The following PAICS variants were observed in gnomAD, a reference collection of about 807,000 sequenced individuals.
PAICS encodes the protein bifunctional phosphoribosylaminoimidazole carboxylase/phosphoribosylaminoimidazole succinocarboxamide synthetase.
A neutral mutation model predicts 53.7 loss-of-function variants in PAICS; 33 were observed. That is an observed-to-expected ratio of 0.61 (90% confidence interval 0.47 to 0.82). The LOEUF (loss-of-function observed/expected upper bound fraction) is 0.82, where lower values mean the gene tolerates loss of function less well. Ranked by LOEUF, PAICS falls within the 40% of genes least tolerant of loss-of-function variation. The pLI, the probability that PAICS is intolerant of heterozygous loss-of-function variation, is 0.00. For missense variants in PAICS, 394 were observed against 494.1 expected, an observed-to-expected ratio of 0.80 and a Z score of 1.92; for synonymous variants, 141 against 167.2, an observed-to-expected ratio of 0.84 and a Z score of 1.21.
chr4:56,463,924 A>T lies in PAICS; in HGVS notation c.*4386A>T, dbSNP rs1333528832. ...TGAGTAAAGAAGACTGCCTTCACCC[A>T]TGTGGGTGAGCGTCATCTAATCCAT... On this transcript the variant is annotated 3_prime_UTR_variant, in exon 9 of 9. Coordinates refer to ENST00000512576, the MANE Select transcript of PAICS (RefSeq NM_001079524.2). The T allele has an allele frequency of 1.3e-5, 2 of 152,166 alleles. No individual in the cohort carries two copies. Among genetic ancestry groups the T allele is most frequent in the Non-Finnish European group, 2.9e-5 (2 of 68,042 alleles). The allele number at this position is 152,166 out of a possible 1,614,324, so 9.4% of individuals were successfully genotyped here.
At chr4:56,412,481 T>C in the PAICS span, among the ~76,000 whole-genome samples, 4 of 152,120 alleles carry the variant, frequency 2.6e-5, no homozygotes, top group Admixed American at 6.5e-5. Context: ...GGCTAATTTT[T>C]TGTGGGATGG....
intron 2 of PAICS, among the ~76,000 whole-genome samples, chr4:56,444,147 AG>A (rs1718471844): frequency 6.6e-6 from 1 of 152,278 alleles, no homozygotes; most frequent in African/African-American, 2.4e-5. Flanking sequence ...AAATTAAGGT[AG>A]AAAGTAGAGA....
At chr4:56,433,863 T>G (rs1156352965), upstream of PAICS, among the ~76,000 whole-genome samples, 1 of 152,104 alleles carries the variant, frequency 6.6e-6, no homozygotes, top group Non-Finnish European at 1.5e-5. Flanking sequence ...CCCAGCTAAT[T>G]GTATTTTTAG....
chr4:56,450,702 G>T lies in PAICS; in HGVS notation c.771G>T (p.Glu257Asp), dbSNP rs1718863002. The change falls in exon 6 of 9, where the codon GAG becomes GAT. Residue 257 changes from glutamate to aspartate, a missense_variant and splice_region_variant. Glu to Asp is a conservative substitution (Grantham distance 45, BLOSUM62 2). This residue lies in a region of PAICS where 131 missense variants were observed against 205.5 expected (regional missense o/e 0.64). Transcript: ENST00000512576. ...TTGAGTGGGTTGCAGAGAGAGTAGA[G>T]GTAAACCTTCTATAGTAAAACTGTA... ...KNFEWVAERV[E>D]LLLKSESQCR... 1 of 1,413,860 alleles carries T rather than the reference G, an allele frequency of 7.1e-7. No homozygotes were observed. Among genetic ancestry groups the T allele is most frequent in the African/African-American group, 1.4e-5 (1 of 70,426 alleles). The allele number at this position is 1,413,860 out of a possible 1,614,324, so 87.6% of individuals were successfully genotyped here. A position where few individuals can be genotyped will look rare whatever the true frequency, so the allele number is the denominator to read the frequency against.
the PAICS span, among the ~76,000 whole-genome samples, chr4:56,430,615 G>C: frequency 3.3e-5 from 5 of 151,986 alleles, no homozygotes; most frequent in African/African-American, 4.8e-5. Flanking sequence ...TTTATCTCAA[G>C]TGAACTGAAA....
At chr4:56,433,391 AT>A (rs1391853190), upstream of PAICS, among the ~76,000 whole-genome samples, 1 of 129,964 alleles carries the variant, frequency 7.7e-6, no homozygotes, top group Non-Finnish European at 1.6e-5. Context: ...ATCAAATGGT[AT>A]TCATTAAAAA....
chr4:56,418,618 CA>C, the PAICS span, among the ~76,000 whole-genome samples: 11 of 152,216 alleles, frequency 7.2e-5, no homozygotes, highest in East Asian at 1.9e-3. Flanking sequence ...CATGCCCAGC[CA>C]AAAATTCCTT....
chr4:56,429,833 A>C, the PAICS span, among the ~76,000 whole-genome samples: 1 of 152,274 alleles, frequency 6.6e-6, no homozygotes, highest in African/African-American at 2.4e-5. Flanking sequence ...CACTTCTATC[A>C]CCATAGATTA....
At chr4:56,453,474 T>C (rs1009619914) in intron 7 of PAICS, 129 bp from the exon 8 acceptor site, 6 of 533,766 alleles carry the variant, frequency 1.1e-5, no homozygotes, top group African/African-American at 9.4e-5. Flanking sequence ...TTTATGTTTT[T>C]TCAGAGAAGA....
intron 5 of PAICS, 69 bp downstream of exon 5, chr4:56,448,892 A>AG: frequency 1.3e-6 from 1 of 798,502 alleles, no homozygotes; most frequent in Non-Finnish European, 2.1e-6. Flanking sequence ...AGGAGAGATG[A>AG]GGGGAAAAAG....
chr4:56,455,368 T>TATACA (rs1172857159), intron 8 of PAICS, among the ~76,000 whole-genome samples: 3 of 152,208 alleles, frequency 2.0e-5, no homozygotes, highest in Non-Finnish European at 4.4e-5. Flanking sequence ...AGTCTTGATA[T>TATACA]GTGTCAAGTA....
upstream of PAICS, among the ~76,000 whole-genome samples, chr4:56,432,384 TGA>T (rs1378921075): frequency 2.0e-5 from 3 of 151,776 alleles, no homozygotes; most frequent in African/African-American, 7.3e-5. Context: ...AAAAATTACC[TGA>T]GTGTGGTGGC....
At chr4:56,455,948 A>G (rs1005423621) in intron 8 of PAICS, among the ~76,000 whole-genome samples, 1 of 151,808 alleles carries the variant, frequency 6.6e-6, no homozygotes, top group Non-Finnish European at 1.5e-5. Context: ...GAATTATTTA[A>G]TTTTCATACC....
the PAICS span, chr4:56,423,124 T>C: frequency 6.6e-6 from 1 of 152,242 alleles, no homozygotes; most frequent in African/African-American, 2.4e-5. Flanking sequence ...AGCTGAAGTA[T>C]ATCTGTTAAA....
chr4:56,450,690 A>G lies in PAICS; in HGVS notation c.759A>G (p.Ala253=). Residue 253 remains alanine, a synonymous_variant, in exon 6 of 9, where the codon GCA becomes GCG. Coordinates refer to ENST00000512576, the MANE Select transcript of PAICS (RefSeq NM_001079524.2). ...TAAAGAAAAACTTTGAGTGGGTTGC[A>G]GAGAGAGTAGAGGTAAACCTTCTAT... ...QMVKKNFEWV[A]ERVELLLKSE... 6.7e-7 allele frequency: 1 copy of G among 1,483,736 alleles called. No individual in the cohort carries two copies. Among genetic ancestry groups the G allele is most frequent in the Non-Finnish European group, 9.2e-7 (1 of 1,082,164 alleles). The allele number at this position is 1,483,736 out of a possible 1,614,324, so 91.9% of individuals were successfully genotyped here. A position where few individuals can be genotyped will look rare whatever the true frequency, so the allele number is the denominator to read the frequency against.
chr4:56,444,969 G>C (rs1718530937), intron 2 of PAICS, among the ~76,000 whole-genome samples: 1 of 152,126 alleles, frequency 6.6e-6, no homozygotes, highest in African/African-American at 2.4e-5. Flanking sequence ...GTTGAGAATT[G>C]ATTGAAGTCA....
At chr4:56,443,560 T>G (rs57483094) in intron 2 of PAICS, among the ~76,000 whole-genome samples, 3,087 of 152,342 alleles carry the variant, frequency 0.02, 99 homozygotes, top group African/African-American at 0.07. Context: ...TTAAAGTGCT[T>G]AACTCTTTAA....
intron 8 of PAICS, 38 bp from the exon 9 acceptor site, chr4:56,459,334 G>T (rs1277356026): frequency 6.8e-7 from 1 of 1,463,856 alleles, no homozygotes; most frequent in Admixed American, 2.3e-5. Flanking sequence ...ATTACTAATT[G>T]AGCTCAATTT....
chr4:56,417,420 A>G, the PAICS span, among the ~76,000 whole-genome samples: 2 of 152,192 alleles, frequency 1.3e-5, no homozygotes, highest in Non-Finnish European at 2.9e-5. Context: ...ATTAATTGTA[A>G]TATCATTTGT....
Sources: allele counts gnomAD v4.1 joint callset (sites outside exome capture counted in the v4.1 genomes callset), GRCh38; gene constraint gnomAD v4.1.1; regional missense constraint gnomAD v4.1.1; transcripts MANE v1.5; gene names NCBI Gene and HGNC (gene_info 2026-07-23, HGNC 2026-07-21).